TMEM117: variants seen among roughly 807,000 people sequenced by gnomAD.
TMEM117 encodes transmembrane protein 117.
A neutral mutation model predicts 52.4 loss-of-function variants in TMEM117; 27 were observed. The ratio of observed to expected loss-of-function variants is 0.51; its 90% CI spans 0.38 to 0.71. The LOEUF (loss-of-function observed/expected upper bound fraction) is 0.71. Ranked by LOEUF, TMEM117 falls within the 30% of genes least tolerant of loss-of-function variation. The probability of loss-of-function intolerance (pLI) is 0.00; values close to 1 mark genes in which losing one functional copy is unlikely to be tolerated. For missense variants in TMEM117, 556 were observed against 630.5 expected (o/e 0.88, Z 1.26); for synonymous variants, 215 against 206.3 (o/e 1.04, Z -0.36).
chr12:43,873,108 G>C (rs747711086), intron 2 of TMEM117, among the ~76,000 whole-genome samples: 7 of 152,154 alleles, frequency 4.6e-5, no homozygotes, highest in Non-Finnish European at 1.0e-4. Context: ...AGAGGATTTT[G>C]CAAACTGATT....
At chr12:43,831,624 A>C (rs966641091), upstream of TMEM117, among the ~76,000 whole-genome samples, 2 of 151,022 alleles carry the variant, frequency 1.3e-5, no homozygotes, top group African/African-American at 2.4e-5. Context: ...GCTCACTGCA[A>C]CCTCCACCTC....
At chr12:43,877,226 A>G (rs1216002670) in intron 2 of TMEM117, among the ~76,000 whole-genome samples, 1 of 152,210 alleles carries the variant, frequency 6.6e-6, no homozygotes, top group Non-Finnish European at 1.5e-5. Context: ...TTCACTTGGT[A>G]TATATTTCCA....
chr12:43,953,712 T>C (rs1945261457), intron 3 of TMEM117, among the ~76,000 whole-genome samples: 1 of 152,168 alleles, frequency 6.6e-6, no homozygotes, highest in South Asian at 2.1e-4. Flanking sequence ...TAGAAGACTT[T>C]AATACCCCAC....
chr12:44,275,939 A>G (rs1166505197), intron 5 of TMEM117, among the ~76,000 whole-genome samples: 2 of 152,152 alleles, frequency 1.3e-5, no homozygotes, highest in African/African-American at 2.4e-5. Flanking sequence ...AAATAACTAA[A>G]ATAGTATAAT....
At chr12:44,310,205 T>G (rs1045965444) in intron 6 of TMEM117, among the ~76,000 whole-genome samples, 1 of 152,234 alleles carries the variant, frequency 6.6e-6, no homozygotes, top group Non-Finnish European at 1.5e-5. Context: ...AATTGATCAT[T>G]CAGACCTTTG....
chr12:44,077,009 A>T lies in TMEM117; in HGVS notation c.411-66516A>T, dbSNP rs574477048. On this transcript the variant is annotated intron_variant, in intron 3 of 7. Transcript: ENST00000266534. ...ATGCCATTTAACAAGTACCTTGCCC[A>T]AGTGTTTTTGCTTCTACCAGCTGGC... Among the ~76,000 whole-genome samples the T allele has an allele frequency of 1.3e-4, 20 of 152,262 alleles. No individual in the cohort carries two copies. In the South Asian group the frequency reaches 4.1e-3, roughly 32 times the overall value.
intron 5 of TMEM117, among the ~76,000 whole-genome samples, chr12:44,289,550 CTTTTTT>C (rs60675070): frequency 1.6e-5 from 2 of 121,964 alleles, no homozygotes; most frequent in African/African-American, 3.4e-5. Flanking sequence ...TTTCTTTTCT[CTTTTTT>C]TTTTTTTTTT....
At chr12:43,986,383 T>C (rs533922221) in intron 3 of TMEM117, among the ~76,000 whole-genome samples, 1 of 152,298 alleles carries the variant, frequency 6.6e-6, no homozygotes, top group East Asian at 1.9e-4. Flanking sequence ...AATGATAGTA[T>C]AACTGGATAT....
At chr12:44,119,846 G>A (rs1305916112) in intron 3 of TMEM117, among the ~76,000 whole-genome samples, 1 of 152,214 alleles carries the variant, frequency 6.6e-6, no homozygotes, top group Non-Finnish European at 1.5e-5. Flanking sequence ...TGAATCTAAT[G>A]TGTAACCAGG....
At chr12:44,378,172 A>G (rs562650717) in intron 7 of TMEM117, among the ~76,000 whole-genome samples, 2 of 152,248 alleles carry the variant, frequency 1.3e-5, no homozygotes, top group South Asian at 4.1e-4. Flanking sequence ...TCATTACACT[A>G]ATATTGTCTC....
intron 1 of TMEM117, among the ~76,000 whole-genome samples, chr12:43,836,717 TC>T (rs984629775): frequency 1.7e-4 from 26 of 152,164 alleles, no homozygotes; most frequent in African/African-American, 6.3e-4. Context: ...CTATTTTTTT[TC>T]ATTCCTATTT....
At chr12:43,865,541 A>G (rs1461526919) in intron 2 of TMEM117, among the ~76,000 whole-genome samples, 2 of 151,986 alleles carry the variant, frequency 1.3e-5, no homozygotes, top group African/African-American at 2.4e-5. Flanking sequence ...TGCTAAAAAT[A>G]CAAAAATTAG....
At chr12:43,822,678 A>G in the TMEM117 span, among the ~76,000 whole-genome samples, 1 of 152,148 alleles carries the variant, frequency 6.6e-6, no homozygotes, top group Non-Finnish European at 1.5e-5. Flanking sequence ...ATGTTCTTTT[A>G]GCTGCTCCTA....
chr12:44,388,390 G>A lies in TMEM117; in HGVS notation c.1263G>A (p.Glu421=), dbSNP rs2138878006. 2 of 1,613,366 alleles carry A rather than the reference G, an allele frequency of 1.2e-6. No individual in the cohort carries two copies. Among genetic ancestry groups the A allele is most frequent in the Non-Finnish European group, 8.5e-7 (1 of 1,179,652 alleles). ...TCTTTGGACGATTTTTGAAAAATGA[G>A]CCACGCATGGAGAATCAAGACAAAA... ...IWFFGRFLKN[E]PRMENQDKTY... Residue 421 remains glutamate, a synonymous_variant, in exon 8 of 8, where the codon GAG becomes GAA. Transcript: ENST00000266534.
intron 4 of TMEM117, among the ~76,000 whole-genome samples, chr12:44,199,048 AC>A (rs1949457864): frequency 6.6e-6 from 1 of 152,270 alleles, no homozygotes; most frequent in East Asian, 1.9e-4. Flanking sequence ...CCTGTTGTTC[AC>A]CTCACCTCTT....
chr12:44,308,296 T>A (rs1297211590), intron 6 of TMEM117, among the ~76,000 whole-genome samples: 3 of 152,206 alleles, frequency 2.0e-5, no homozygotes, highest in Non-Finnish European at 4.4e-5. Context: ...TTTGCATTTG[T>A]CTTTTTCCAA....
chr12:44,073,243 A>G (rs1320652586), intron 3 of TMEM117, among the ~76,000 whole-genome samples: 1 of 152,104 alleles, frequency 6.6e-6, no homozygotes, highest in Non-Finnish European at 1.5e-5. Flanking sequence ...TGCCCAGATA[A>G]CTCTATTTTC....
At chr12:43,882,494 A>G (rs1350979768) in intron 2 of TMEM117, among the ~76,000 whole-genome samples, 1 of 151,568 alleles carries the variant, frequency 6.6e-6, no homozygotes, top group African/African-American at 2.4e-5. Flanking sequence ...TTATGTTTAT[A>G]TCCTTTATCC....
chr12:43,799,519 G>A, the TMEM117 span: 10 of 1,415,956 alleles, frequency 7.1e-6, no homozygotes, highest in South Asian at 6.5e-5. Context: ...GTACAGAATA[G>A]ACTATAATCA....
Sources: allele counts gnomAD v4.1 joint callset (sites outside exome capture counted in the v4.1 genomes callset), GRCh38; gene constraint gnomAD v4.1.1; transcripts MANE v1.5; gene names NCBI Gene and HGNC (gene_info 2026-07-23, HGNC 2026-07-21).